The following DIAPH2 variants were observed in gnomAD, a reference collection of about 807,000 sequenced individuals.
The protein encoded by DIAPH2 is protein diaphanous homolog 2.
In DIAPH2, 35 loss-of-function variants were observed where a neutral mutation model predicts 92.7. The observed-to-expected ratio is 0.38, with a 90% confidence interval of 0.29 to 0.50. DIAPH2 has a LOEUF of 0.50. Among genes scored for constraint, DIAPH2 ranks in the 20% least tolerant of loss-of-function variants. The pLI, the probability that DIAPH2 is intolerant of heterozygous loss-of-function variation, is 0.94. For synonymous variants in DIAPH2, 301 were observed against 280.4 expected (o/e 1.07, Z -0.73); for missense variants, 701 against 819.5 (o/e 0.86, Z 1.77).
At chrX:96,710,693 T>G (rs1360122453) in intron 1 of DIAPH2, among the ~76,000 whole-genome samples, 1 of 110,966 alleles carries the variant, frequency 9.0e-6, no homozygotes, top group Non-Finnish European at 1.9e-5. Flanking sequence ...GGAGGGAAAA[T>G]TTTTTCTAAA....
At chrX:97,597,142 T>G (rs1228479999) in intron 26 of DIAPH2, among the ~76,000 whole-genome samples, 5 of 111,383 alleles carry the variant, frequency 4.5e-5, no homozygotes, top group Non-Finnish European at 9.4e-5. Flanking sequence ...CTCATTAATA[T>G]TGGGACAAAT....
chrX:97,370,975 G>C (rs1346391473), intron 24 of DIAPH2, among the ~76,000 whole-genome samples: 1 of 111,652 alleles, frequency 9.0e-6, no homozygotes, highest in Admixed American at 9.6e-5. Flanking sequence ...AGTTGCACTT[G>C]AAAATGTTAC....
intron 21 of DIAPH2, among the ~76,000 whole-genome samples, chrX:97,140,226 G>A (rs745980234): frequency 4.5e-5 from 5 of 110,600 alleles, no homozygotes; most frequent in South Asian, 3.9e-4. Context: ...TGGAATATCC[G>A]GCATACTCTT....
At chrX:96,836,807 A>C (rs1177848579) in intron 4 of DIAPH2, among the ~76,000 whole-genome samples, 2 of 84,580 alleles carry the variant, frequency 2.4e-5, no homozygotes, top group African/African-American at 9.2e-5. Flanking sequence ...GGCTCACTGC[A>C]AGCTCCGCCT....
chrX:96,894,510 G>A (rs183953300), intron 5 of DIAPH2, among the ~76,000 whole-genome samples: 134 of 111,544 alleles, frequency 1.2e-3, no homozygotes, highest in Non-Finnish European at 2.0e-3. Context: ...ATTTTTCTTC[G>A]ATATAGAGAA....
chrX:96,766,014 G>A (rs1365390743), intron 4 of DIAPH2, among the ~76,000 whole-genome samples: 1 of 110,558 alleles, frequency 9.0e-6, no homozygotes, highest in South Asian at 3.9e-4. Context: ...CCTTCCCATA[G>A]CACCATGTTT....
intron 25 of DIAPH2, among the ~76,000 whole-genome samples, chrX:97,402,946 T>A (rs2069772465): frequency 8.9e-6 from 1 of 112,316 alleles, no homozygotes; most frequent in Non-Finnish European, 1.9e-5. Flanking sequence ...GAGTTTTGTT[T>A]TACCATAACT....
chrX:97,014,241 T>C (rs1031549006), intron 17 of DIAPH2, among the ~76,000 whole-genome samples: 1 of 111,503 alleles, frequency 9.0e-6, no homozygotes, highest in Non-Finnish European at 1.9e-5. Context: ...ATTGTTTAAG[T>C]AATAGTTCAG....
intron 4 of DIAPH2, among the ~76,000 whole-genome samples, chrX:96,837,381 T>TTCCC (rs1329403553): frequency 1.1e-5 from 1 of 94,594 alleles, no homozygotes; most frequent in Non-Finnish European, 2.2e-5. Flanking sequence ...GTCTGCCTCC[T>TTCCC]TCCCTCCCTC....
chrX:97,289,892 C>T (rs1468893626), intron 23 of DIAPH2, among the ~76,000 whole-genome samples: 1 of 109,629 alleles, frequency 9.1e-6, no homozygotes, highest in Non-Finnish European at 1.9e-5. Flanking sequence ...ACCTGGCTAA[C>T]TTTTGGCATT....
chrX:96,883,723 G>A lies in DIAPH2; in HGVS notation c.587+2005G>A, dbSNP rs2065236374. On this transcript the variant is annotated intron_variant, in intron 5 of 26. Coordinates refer to ENST00000324765, the MANE Select transcript of DIAPH2 (RefSeq NM_006729.5). ...TGGTTTGAATGAACAGGGGACGTGA[G>A]TTCTTGAGAACAGTAACTACGGTGG... Among the ~76,000 whole-genome samples the A allele has an allele frequency of 6.3e-5, 7 of 110,919 alleles. No homozygotes were observed. In the Admixed American group the frequency reaches 6.8e-4, roughly 11 times the overall value.
At chrX:97,326,441 T>C (rs772677703) in intron 23 of DIAPH2, among the ~76,000 whole-genome samples, 23 of 112,141 alleles carry the variant, frequency 2.1e-4, no homozygotes, top group Non-Finnish European at 3.2e-4. Context: ...TTAGCAAAAT[T>C]GCAGCCAGAA....
intron 17 of DIAPH2, among the ~76,000 whole-genome samples, chrX:97,066,449 A>G (rs2066634765): frequency 8.9e-6 from 1 of 112,094 alleles, no homozygotes; most frequent in Non-Finnish European, 1.9e-5. Flanking sequence ...GTGTAAGTGA[A>G]CCGTATAATG....
At chrX:97,415,062 C>T (rs1462143061) in intron 25 of DIAPH2, among the ~76,000 whole-genome samples, 1 of 85,247 alleles carries the variant, frequency 1.2e-5, no homozygotes, top group African/African-American at 4.3e-5. Context: ...AAACAGTTCT[C>T]AAAAGAAGAC....
chrX:97,042,892 C>T (rs2066456893), intron 17 of DIAPH2, among the ~76,000 whole-genome samples: 1 of 111,622 alleles, frequency 9.0e-6, no homozygotes. Context: ...ATTTTTTAAG[C>T]AACCTTGGAG....
chrX:96,793,055 G>C (rs2064511954), intron 4 of DIAPH2, among the ~76,000 whole-genome samples: 1 of 112,308 alleles, frequency 8.9e-6, no homozygotes, highest in African/African-American at 3.2e-5. Context: ...GATGGCAGTA[G>C]AATCCCTTTA....
chrX:97,342,324 T>G (rs1184286422), intron 23 of DIAPH2, among the ~76,000 whole-genome samples: 2 of 112,348 alleles, frequency 1.8e-5, no homozygotes, highest in Non-Finnish European at 3.8e-5. Context: ...AGTGTTAGAA[T>G]GAGCCTTTAC....
chrX:97,177,338 C>A (rs771372608), intron 22 of DIAPH2, among the ~76,000 whole-genome samples: 12 of 111,368 alleles, frequency 1.1e-4, no homozygotes, highest in Non-Finnish European at 2.3e-4. Context: ...TAGCACATGG[C>A]AAAAAAAGTG....
chrX:97,157,118 C>G (rs1329515615), intron 22 of DIAPH2, among the ~76,000 whole-genome samples: 1 of 110,662 alleles, frequency 9.0e-6, no homozygotes, highest in Non-Finnish European at 1.9e-5. Flanking sequence ...ACTTCAAGAC[C>G]AGCCTGTCCA....
Sources: gnomAD v4.1 joint callset for allele counts (sites outside exome capture counted in the v4.1 genomes callset) on GRCh38, gnomAD v4.1.1 for gene constraint, MANE v1.5 for transcripts, NCBI Gene and HGNC (gene_info 2026-07-23, HGNC 2026-07-21) for gene names.